CNTN3: variants seen among roughly 807,000 people sequenced by gnomAD.
CNTN3 encodes contactin-3.
A neutral mutation model predicts 119.1 loss-of-function variants in CNTN3; 60 were observed. The observed-to-expected ratio is 0.50, with a 90% CI of 0.41 to 0.62. The LOEUF is 0.62. CNTN3 is among the 20% of genes least tolerant of loss of function. CNTN3 has a pLI of 0.00. For synonymous variants in CNTN3, 450 were observed against 438.7 expected (o/e 1.03, Z -0.32); for missense variants, 1,101 against 1,242.4 (o/e 0.89, Z 1.71).
chr3:74,336,711 A>T (rs1703404295), intron 11 of CNTN3, 53 bp from the exon 12 acceptor site: 6 of 1,407,406 alleles, frequency 4.3e-6, no homozygotes, highest in Non-Finnish European at 4.9e-6. Flanking sequence ...TTTTTTTTCC[A>T]AATGAATATA....
At chr3:74,345,238 C>T (rs997810052) in intron 11 of CNTN3, among the ~76,000 whole-genome samples, 2 of 152,156 alleles carry the variant, frequency 1.3e-5, no homozygotes, top group Non-Finnish European at 2.9e-5. Flanking sequence ...TCCTGACAAC[C>T]TGAACATTCT....
chr3:74,510,319 T>C (rs1703344164), intron 2 of CNTN3, among the ~76,000 whole-genome samples: 1 of 152,112 alleles, frequency 6.6e-6, no homozygotes, highest in South Asian at 2.1e-4. Context: ...ATGACTCTCA[T>C]GAAACATCTT....
intron 4 of CNTN3, among the ~76,000 whole-genome samples, chr3:74,478,078 C>G (rs1702691651): frequency 6.6e-6 from 1 of 152,052 alleles, no homozygotes; most frequent in Non-Finnish European, 1.5e-5. Flanking sequence ...CATAAACCCA[C>G]AAAGACAGGA....
chr3:74,595,207 G>A (rs1380666709), intron 1 of CNTN3, among the ~76,000 whole-genome samples: 3 of 151,730 alleles, frequency 2.0e-5, no homozygotes, highest in Admixed American at 6.6e-5. Context: ...TTTGTCAGAT[G>A]AGTAGGTTGC....
chr3:74,324,461 G>A (rs989562938), intron 13 of CNTN3, among the ~76,000 whole-genome samples: 5 of 152,122 alleles, frequency 3.3e-5, no homozygotes, highest in African/African-American at 1.2e-4. Context: ...GGAATTACAG[G>A]CTGAGCCACC....
intron 19 of CNTN3, among the ~76,000 whole-genome samples, chr3:74,288,154 C>CTTTCTT (rs1702151254): frequency 2.3e-5 from 2 of 88,264 alleles, no homozygotes. Context: ...CTTTTCTTTT[C>CTTTCTT]TTTTCTTTTT....
intron 1 of CNTN3, among the ~76,000 whole-genome samples, chr3:74,552,053 T>C (rs946434879): frequency 1.3e-5 from 2 of 152,128 alleles, no homozygotes; most frequent in African/African-American, 4.8e-5. Context: ...TGTGAGCCAC[T>C]GCGCCTAGCC....
intron 1 of CNTN3, among the ~76,000 whole-genome samples, chr3:74,554,457 G>A (rs529393907): frequency 4.1e-4 from 63 of 152,318 alleles, no homozygotes; most frequent in Admixed American, 1.2e-3. Flanking sequence ...TGTGAAGAAA[G>A]TCAGTGGTAG....
At chr3:74,356,227 T>A (rs1703931501) in intron 11 of CNTN3, among the ~76,000 whole-genome samples, 1 of 152,034 alleles carries the variant, frequency 6.6e-6, no homozygotes, top group African/African-American at 2.4e-5. Flanking sequence ...CTTCCCAGCC[T>A]CCAGAACTGT....
chr3:74,599,205 C>G lies in CNTN3; in HGVS notation c.-81+15186G>C, dbSNP rs944784923. Among the ~76,000 whole-genome samples, 126 of 152,114 alleles carry G rather than the reference C, an allele frequency of 8.3e-4. 1 individual carries two copies. The highest frequency in any genetic ancestry group is 3.1e-4 in the Non-Finnish European group (21 of 67,974). ...TAATTTGTTCAGTAATTTGGAGAAC[C>G]TACTCTATGCCAGGCACTGGGATAC... On this transcript the variant is annotated intron_variant, in intron 1 of 22. Coordinates refer to ENST00000263665, the MANE Select transcript of CNTN3 (RefSeq NM_020872.3).
chr3:74,334,752 AGTGAGATCC>A lies in CNTN3; in HGVS notation c.1642_1650del (p.Gly548_His550del), dbSNP rs765412550. The A allele has an allele frequency of 6.2e-7, 1 of 1,613,272 alleles. No individual in the cohort carries two copies. Among genetic ancestry groups the A allele is most frequent in the South Asian group, 1.1e-5 (1 of 90,968 alleles). Reference sequence around the variant, plus strand: ...CAACTTACCCCACCAACTTTCTCAAAGTGAGATCCATCTTTCTTAAAATCTGCAAGGGCC... The same window carrying A: ...CAACTTACCCCACCAACTTTCTCAAAATCTTTCTTAAAATCTGCAAGGGCC... On this transcript the variant is annotated inframe_deletion, in exon 13 of 23. Transcript: ENST00000263665.
chr3:74,480,425 T>A (rs7430476), intron 4 of CNTN3, among the ~76,000 whole-genome samples: 18,986 of 151,820 alleles, frequency 0.13, 1,176 homozygotes, highest in Non-Finnish European at 0.13. Context: ...ATTGCTGTGG[T>A]GGTAAGGTGG....
intron 1 of CNTN3, among the ~76,000 whole-genome samples, chr3:74,540,576 G>A (rs1044366888): frequency 6.6e-6 from 1 of 152,054 alleles, no homozygotes; most frequent in Non-Finnish European, 1.5e-5. Context: ...ACACTAACAG[G>A]GTAAGTACTA....
At chr3:74,375,093 T>C (rs182325831) in intron 5 of CNTN3, among the ~76,000 whole-genome samples, 105 of 152,332 alleles carry the variant, frequency 6.9e-4, no homozygotes, top group African/African-American at 2.5e-3. Context: ...TAATATGGTC[T>C]ACCTATTGAA....
chr3:74,358,434 C>T (rs1379809595), intron 11 of CNTN3, among the ~76,000 whole-genome samples: 4 of 150,050 alleles, frequency 2.7e-5, no homozygotes, highest in Admixed American at 6.6e-5. Context: ...GGTGCATTCC[C>T]GTCCATAAAA....
At chr3:74,560,673 G>A (rs1575830155) in intron 1 of CNTN3, among the ~76,000 whole-genome samples, 1 of 151,766 alleles carries the variant, frequency 6.6e-6, no homozygotes, top group African/African-American at 2.4e-5. Flanking sequence ...CCCATTACTG[G>A]GTATATACCC....
chr3:74,398,551 T>C (rs573887129), intron 5 of CNTN3, among the ~76,000 whole-genome samples: 2 of 152,254 alleles, frequency 1.3e-5, no homozygotes, highest in Non-Finnish European at 2.9e-5. Flanking sequence ...CATATTTGCT[T>C]TATTGAGGTG....
intron 5 of CNTN3, among the ~76,000 whole-genome samples, chr3:74,398,590 T>G (rs768298865): frequency 6.6e-6 from 1 of 152,178 alleles, no homozygotes; most frequent in Non-Finnish European, 1.5e-5. Context: ...CCACAATATA[T>G]CTGAGATATG....
chr3:74,542,839 T>C (rs991357439), intron 1 of CNTN3, among the ~76,000 whole-genome samples: 3 of 152,088 alleles, frequency 2.0e-5, no homozygotes, highest in African/African-American at 7.2e-5. Flanking sequence ...AATTACTGAT[T>C]GAAAGAATGA....
Sources: gnomAD v4.1 joint callset for allele counts (sites outside exome capture counted in the v4.1 genomes callset) on GRCh38, gnomAD v4.1.1 for gene constraint, MANE v1.5 for transcripts, NCBI Gene and HGNC (gene_info 2026-07-23, HGNC 2026-07-21) for gene names.